The following MEGF8 variants were observed in gnomAD, a reference collection of about 807,000 sequenced individuals.
The protein encoded by MEGF8 is multiple epidermal growth factor-like domains protein 8.
A neutral mutation model predicts 302.9 loss-of-function variants in MEGF8; 156 were observed. That is an observed-to-expected ratio of 0.52 (90% CI 0.45 to 0.59). The LOEUF (loss-of-function observed/expected upper bound fraction) is 0.59. Among genes scored for constraint, MEGF8 ranks in the 20% least tolerant of loss-of-function variants. The pLI is 0.00. For missense variants in MEGF8, 3,345 were observed against 3,964.5 expected, an observed-to-expected ratio of 0.84 and a Z score of 4.20; for synonymous variants, 1,621 against 1,660.5, an observed-to-expected ratio of 0.98 and a Z score of 0.58.
chr19:42,353,917 T>C lies in MEGF8; in HGVS notation c.3904T>C (p.Cys1302Arg). ...AARAGPGLSY[C>R]VWVVSATEEL... ...AAGAGCCGGGCCTGGCCTGTCCTACTGTGTGTGGGTTGTCTCGGCCACTGA... is the reference window on the plus strand; with the variant it reads ...AAGAGCCGGGCCTGGCCTGTCCTACCGTGTGTGGGTTGTCTCGGCCACTGA... Residue 1302 changes from cysteine (C) to arginine (R), a missense_variant, in exon 22 of 42, where the codon TGT becomes CGT. By Grantham distance (180) the Cys-to-Arg change is radical. Coordinates refer to ENST00000251268, the MANE Select transcript of MEGF8 (RefSeq NM_001271938.2). The surrounding 1 kb of genome is among the most constrained non-coding windows in gnomAD (Gnocchi z 6.1). The C allele has an allele frequency of 2.5e-6, 4 of 1,591,188 alleles. No homozygotes were observed. The highest frequency in any genetic ancestry group is 2.6e-6 in the Non-Finnish European group (3 of 1,169,098).
intron 1 of MEGF8, among the ~76,000 whole-genome samples, chr19:42,328,567 A>AGTGTGTGTGTGTGTGT (rs113567438): frequency 4.4e-4 from 65 of 146,710 alleles, no homozygotes; most frequent in Middle Eastern, 3.5e-3. Context: ...CAGAATAGGA[A>AGTGTGTGTGTGTGTGT]GTGTGTGTGT....
In MEGF8 at chr19:42,344,047, C is replaced by T; in HGVS notation, c.1762C>T (p.Pro588Ser). 1.2e-6 allele frequency: 2 copies of T among 1,613,658 alleles called. No homozygotes were observed. The highest frequency in any genetic ancestry group is 1.7e-6 in the Non-Finnish European group (2 of 1,179,758). The stretch of plus-strand genomic sequence containing the variant: ...GTGCCAAGGAGCCTGCCAAGCTGCA[C>T]CCCCTCCTGGGACCCCCTTGGGGGC... ...SWCQGACQAA[P>S]PPGTPLGACP... The change falls in exon 10 of 42, where the codon CCC becomes TCC. Residue 588 changes from proline to serine, a missense_variant. Coordinates refer to ENST00000251268, the MANE Select transcript of MEGF8 (RefSeq NM_001271938.2). The surrounding 1 kb of genome is among the most constrained non-coding windows in gnomAD (Gnocchi z 4.5).
rs528281178 is a variant in MEGF8, at chr19:42,370,265, C to A, written c.6911C>A (p.Ala2304Asp). ...GGCGGGACCTGCCGGCCCTGCCACGCCTTTTGTCGTGGAAATAGCCACATC... is the reference window on the plus strand; with the variant it reads ...GGCGGGACCTGCCGGCCCTGCCACGACTTTTGTCGTGGAAATAGCCACATC... ...VGGGTCRPCH[A>D]FCRGNSHICI... The change falls in exon 39 of 42, where the codon GCC (alanine) becomes GAC (aspartate). Residue 2304 changes from alanine to aspartate, a missense_variant. By Grantham distance (126) the Ala-to-Asp change is moderately radical. Transcript: ENST00000251268. 1.2e-6 allele frequency: 2 copies of A among 1,613,912 alleles called. No homozygotes were observed. Among genetic ancestry groups the A allele is most frequent in the South Asian group, 1.1e-5 (1 of 91,072 alleles).
rs772125978 is a variant in MEGF8 at position 42,334,234 on chromosome 19, G to GT, written c.558+24dup. 6 of 1,566,562 alleles carry GT rather than the reference G, an allele frequency of 3.8e-6. No individual in the cohort carries two copies. In the African/African-American group the frequency reaches 8.1e-5, roughly 21 times the overall value. On this transcript the variant is annotated intron_variant, in intron 3 of 41. Coordinates refer to ENST00000251268, the MANE Select transcript of MEGF8 (RefSeq NM_001271938.2). ...CCTCGGTGAGCCGGTCCCCAGCCCT[G>GT]TTTCCCCTGGGGCCCTGATCTGTGA...
chr19:42,337,228 C>G (rs960351534), intron 8 of MEGF8, 22 bp downstream of exon 8: 2 of 1,612,638 alleles, frequency 1.2e-6, no homozygotes, highest in East Asian at 2.2e-5. Flanking sequence ...CTGTTCTTCC[C>G]TAGGGGCTCC....
chr19:42,362,343 G>C, intron 33 of MEGF8, 41 bp from the exon 34 acceptor site: 1 of 1,612,622 alleles, frequency 6.2e-7, no homozygotes, highest in Non-Finnish European at 8.5e-7. Flanking sequence ...TGGCTCAGGA[G>C]GGGTGCTGAG....
chr19:42,344,392 C>A lies in MEGF8; in HGVS notation c.1789-49C>A. ...TATCCACAGCCCTTCCTTCCCAGATCTCTTGAGCTCCAGTTGACAGTGAGC... is the reference window on the plus strand; with the variant it reads ...TATCCACAGCCCTTCCTTCCCAGATATCTTGAGCTCCAGTTGACAGTGAGC... On this transcript the variant is annotated intron_variant, in intron 10 of 41. Transcript: ENST00000251268. This position sits in a 1 kb window ranked among gnomAD's most constrained non-coding sequence, Gnocchi z 4.5. The A allele has an allele frequency of 6.5e-7, 1 of 1,529,466 alleles. No homozygotes were observed. The highest frequency in any genetic ancestry group is 2.0e-5 in the Admixed American group (1 of 50,054). The allele number at this position is 1,529,466 out of a possible 1,614,324, so 94.7% of individuals were successfully genotyped here. A position where few individuals can be genotyped will look rare whatever the true frequency, so the allele number is the denominator to read the frequency against.
rs181821465 is a variant in MEGF8, at chr19:42,344,356, G to A, written c.1789-85G>A. On this transcript the variant is annotated intron_variant, in intron 10 of 41. Transcript: ENST00000251268. The surrounding 1 kb of genome is among the most constrained non-coding windows in gnomAD (Gnocchi z 4.5). ...CTTCAGTTTTTTCGCCCTTTCCATC[G>A]CAGGACCCTGTATCCACAGCCCTTC... 2.3e-4 allele frequency: 340 copies of A among 1,490,250 alleles called. 3 individuals carry two copies. In the East Asian group the frequency reaches 7.2e-3, roughly 32 times the overall value. The allele number at this position is 1,490,250 out of a possible 1,614,324, so 92.3% of individuals were successfully genotyped here. A position where few individuals can be genotyped will look rare whatever the true frequency, so the allele number is the denominator to read the frequency against.
chr19:42,353,413 G>A lies in MEGF8; in HGVS notation c.3551-52G>A. On this transcript the variant is annotated intron_variant, in intron 20 of 41. Transcript: ENST00000251268. The surrounding 1 kb of genome is among the most constrained non-coding windows in gnomAD (Gnocchi z 6.1). ...GGTTTAGCTGAGCCAGTAGGCCTGGGCCTGTTTCCACCCTTGACTTGACTC... is the reference window on the plus strand; with the variant it reads ...GGTTTAGCTGAGCCAGTAGGCCTGGACCTGTTTCCACCCTTGACTTGACTC... The A allele has an allele frequency of 3.8e-6, 6 of 1,576,734 alleles. No individual in the cohort carries two copies. The highest frequency in any genetic ancestry group is 5.2e-6 in the Non-Finnish European group (6 of 1,160,648).
intron 8 of MEGF8, among the ~76,000 whole-genome samples, chr19:42,342,988 A>T (rs1193485036): frequency 2.0e-5 from 3 of 152,158 alleles, no homozygotes; most frequent in Non-Finnish European, 2.9e-5. Context: ...GGGAAAGGGA[A>T]AGGTTGGTTT....
In MEGF8 at chr19:42,362,553, C is replaced by G. The variant is rs760653254; in HGVS notation, c.6014C>G (p.Thr2005Arg). Residue 2005 changes from threonine to arginine, a missense_variant, in exon 34 of 42, where the codon ACG (threonine) becomes AGG (arginine). Transcript: ENST00000251268. Reference protein sequence around the residue: ...ACGAADCEQCTREGKCMWTRQ... With the variant: ...ACGAADCEQCRREGKCMWTRQ... ...GGGGCTGCTGACTGCGAGCAGTGCA[C>G]GCGGGAGGGCAAGTGCATGTGGACG... is the stretch of plus-strand genomic sequence containing the variant. 1 of 1,613,370 alleles carries G rather than the reference C, an allele frequency of 6.2e-7. No homozygotes were observed. Among genetic ancestry groups the G allele is most frequent in the South Asian group, 1.1e-5 (1 of 91,082 alleles).
Position 42,350,535 on chromosome 19 carries a change from G to A in MEGF8, c.2736+151G>A, listed in dbSNP as rs189241326. On this transcript the variant is annotated intron_variant, in intron 15 of 41. Coordinates refer to ENST00000251268, the MANE Select transcript of MEGF8 (RefSeq NM_001271938.2). ...AGCCTGGTGGGGAGGGTGAGATGGA[G>A]CTGTAGAGAGAGGCACCTGGGGAGT... 2.0e-4 allele frequency among the ~76,000 whole-genome samples: 30 copies of A among 152,302 alleles called. No homozygotes were observed. The East Asian group carries it at 5.8e-3, about 29-fold the overall frequency.
chr19:42,334,918 C>T (rs1245542429), intron 3 of MEGF8, 117 bp from the exon 4 acceptor site: 1 of 986,256 alleles, frequency 1.0e-6, no homozygotes, highest in Admixed American at 3.0e-5. Flanking sequence ...GTCTCTTTCT[C>T]TCTCCCTTTG....
chr19:42,352,221 G>A lies in MEGF8; in HGVS notation c.3115G>A (p.Asp1039Asn), dbSNP rs1185569170. The change falls in exon 19 of 42, where the codon GAC (aspartate) becomes AAC (asparagine). Residue 1039 changes from aspartate (D) to asparagine (N), a missense_variant. Transcript: ENST00000251268. This position sits in a 1 kb window ranked among gnomAD's most constrained non-coding sequence, Gnocchi z 4.4. ...NPTLGRCLQG[D>N]FSGPLGGGNC... is the part of the protein sequence containing the mutation. ...CCCACCCTGCAGGTGCCTACAGGGG[G>A]ACTTCTCAGGGCCCCTCGGTGGGGG... The A allele has an allele frequency of 6.5e-7, 1 of 1,539,622 alleles. No individual in the cohort carries two copies. The highest frequency in any genetic ancestry group is 1.2e-5 in the South Asian group (1 of 83,210).
rs2039384953 is a variant in MEGF8, at chr19:42,352,213, T to C, written c.3107T>C (p.Leu1036Pro). 6 of 1,536,324 alleles carry C rather than the reference T, an allele frequency of 3.9e-6. No individual in the cohort carries two copies. The highest frequency in any genetic ancestry group is 4.4e-6 in the Non-Finnish European group (5 of 1,136,176). ...TTCACTCTCCCACCCTGCAGGTGCC[T>C]ACAGGGGGACTTCTCAGGGCCCCTC... The part of the protein sequence containing the change: ...NEDNPTLGRC[L>P]QGDFSGPLGG... The change falls in exon 19 of 42, where the codon CTA (leucine) becomes CCA (proline). Residue 1036 changes from leucine (L) to proline (P), a missense_variant. By Grantham distance (98) the Leu-to-Pro change is moderately conservative. Coordinates refer to ENST00000251268, the MANE Select transcript of MEGF8 (RefSeq NM_001271938.2). This position sits in a 1 kb window ranked among gnomAD's most constrained non-coding sequence, Gnocchi z 4.4.
Position 42,354,829 on chromosome 19 carries a change from G to A in MEGF8, c.4144+109G>A, listed in dbSNP as rs571832886. On this transcript the variant is annotated intron_variant, in intron 23 of 41. Coordinates refer to ENST00000251268, the MANE Select transcript of MEGF8 (RefSeq NM_001271938.2). The surrounding 1 kb of genome is among the most constrained non-coding windows in gnomAD (Gnocchi z 4.3). ...GGACCCAGCTCTGCCGCTGCTTATG[G>A]GGTGATGTAGTCCCTCACCATCTCT... 2.0e-5 allele frequency: 24 copies of A among 1,213,206 alleles called. No homozygotes were observed. The East Asian group carries it at 5.3e-4, about 27-fold the overall frequency. 75.2% of individuals were successfully genotyped at this position (1,213,206 alleles called of 1,614,324 possible). A position where few individuals can be genotyped will look rare whatever the true frequency, so the allele number is the denominator to read the frequency against.
rs746842471 is a variant in MEGF8 at position 42,349,553 on chromosome 19, C to T, written c.2353C>T (p.Arg785Cys). 7 of 1,611,818 alleles carry T rather than the reference C, an allele frequency of 4.3e-6. No individual in the cohort carries two copies. The highest frequency in any genetic ancestry group is 1.7e-5 in the Admixed American group (1 of 59,994). ...HQEKETRRLQ[R>C]PGSARLFPLP... ...GGAGAAGGAGACGCGGCGGCTGCAG[C>T]GCCCTGGGTCTGCTCGCCTCTTCCC... Residue 785 changes from arginine to cysteine, a missense_variant, in exon 14 of 42, where the codon CGC (arginine) becomes TGC (cysteine). Arg to Cys is a radical substitution (Grantham distance 180). Transcript: ENST00000251268.
intron 12 of MEGF8, among the ~76,000 whole-genome samples, chr19:42,347,436 G>A (rs183066356): frequency 6.6e-4 from 100 of 151,118 alleles, no homozygotes; most frequent in Non-Finnish European, 2.1e-4. Flanking sequence ...TCCCACCTTA[G>A]CCTCCCAAGT....
chr19:42,371,899 A>G (rs2039696762), intron 41 of MEGF8, among the ~76,000 whole-genome samples: 1 of 152,110 alleles, frequency 6.6e-6, no homozygotes, highest in Non-Finnish European at 1.5e-5. Flanking sequence ...CCTGGGCCAT[A>G]TAGTGCAACC....
Sources: gnomAD v4.1 joint callset for allele counts (sites outside exome capture counted in the v4.1 genomes callset) on GRCh38, gnomAD v4.1.1 for gene constraint, Gnocchi (gnomAD v3.1) non-coding constraint, MANE v1.5 for transcripts, NCBI Gene and HGNC (gene_info 2026-07-23, HGNC 2026-07-21) for gene names.